PCDHA13: variants seen among roughly 807,000 people sequenced by gnomAD.
PCDHA13 encodes protocadherin alpha-13.
Under a neutral mutation model 64.8 loss-of-function variants are expected in PCDHA13, and 54 were observed. The observed-to-expected ratio is 0.83, with a 90% CI of 0.67 to 1.04. The LOEUF is 1.04. Among genes scored for constraint, PCDHA13 ranks in the 50% least tolerant of loss-of-function variants. PCDHA13 has a pLI of 0.00. For synonymous variants in PCDHA13, 587 were observed against 564.4 expected, an observed-to-expected ratio of 1.04 and a Z score of -0.57; for missense variants, 1,248 against 1,254.3, an observed-to-expected ratio of 0.99 and a Z score of 0.08.
At chr5:140,901,666 T>C (rs539450371) in intron 1 of PCDHA13, among the ~76,000 whole-genome samples, 12 of 152,346 alleles carry the variant, frequency 7.9e-5, no homozygotes, top group African/African-American at 2.6e-4. Context: ...TTGCTCAAGA[T>C]ACCTTTAGGT....
intron 1 of PCDHA13, among the ~76,000 whole-genome samples, chr5:140,959,390 A>G (rs1554224055): frequency 6.6e-6 from 1 of 152,146 alleles, no homozygotes; most frequent in African/African-American, 2.4e-5. Context: ...AAAAGTCACA[A>G]ATTAAGATAA....
At chr5:140,945,481 C>T (rs269552) in intron 1 of PCDHA13, among the ~76,000 whole-genome samples, 33,891 of 151,742 alleles carry the variant, frequency 0.22, 4,873 homozygotes, top group African/African-American at 0.41. Flanking sequence ...ACAAAACACC[C>T]CAAATACCCA....
At chr5:140,900,206 C>A (rs1286660558) in intron 1 of PCDHA13, among the ~76,000 whole-genome samples, 1 of 152,172 alleles carries the variant, frequency 6.6e-6, no homozygotes, top group Non-Finnish European at 1.5e-5. Flanking sequence ...CCAGTTTCAT[C>A]CAGGTTGTTG....
chr5:140,891,427 C>T (rs1465861457), intron 1 of PCDHA13, among the ~76,000 whole-genome samples: 2 of 149,500 alleles, frequency 1.3e-5, no homozygotes, highest in African/African-American at 4.9e-5. Flanking sequence ...CCCCCAAGTC[C>T]CCAACGTCCA....
chr5:140,966,978 G>T lies in PCDHA13; in HGVS notation c.2395-11971G>T, dbSNP rs782662616. The stretch of plus-strand genomic sequence containing the variant: ...CGCGCGCTGGGGCTTGAGCTGCGGC[G>T]CTTGGGGCCGGGTTGCTTGCGCATC... On this transcript the variant is annotated intron_variant, in intron 1 of 3. Transcript: ENST00000289272. 3.1e-6 allele frequency: 5 copies of T among 1,603,218 alleles called. No homozygotes were observed. In the African/African-American group the frequency reaches 5.3e-5, roughly 17 times the overall value.
At chr5:140,956,181 T>C (rs1351584707) in intron 1 of PCDHA13, among the ~76,000 whole-genome samples, 1 of 152,212 alleles carries the variant, frequency 6.6e-6, no homozygotes, top group South Asian at 2.1e-4. Flanking sequence ...CTTCCAATAC[T>C]ATGCTGAATA....
chr5:140,938,944 A>G (rs551824557), intron 1 of PCDHA13, among the ~76,000 whole-genome samples: 2 of 152,236 alleles, frequency 1.3e-5, no homozygotes, highest in South Asian at 2.1e-4. Context: ...TTCCATTCTT[A>G]TAATGCTCTA....
intron 1 of PCDHA13, among the ~76,000 whole-genome samples, chr5:140,932,493 T>A (rs148938081): frequency 6.6e-6 from 1 of 152,006 alleles, no homozygotes; most frequent in East Asian, 1.9e-4. Context: ...CTTTGCAATG[T>A]CATTTGTTAA....
intron 1 of PCDHA13, among the ~76,000 whole-genome samples, chr5:140,912,282 C>A (rs1211433751): frequency 6.6e-6 from 1 of 151,982 alleles, no homozygotes; most frequent in African/African-American, 2.4e-5. Flanking sequence ...TACCCAGGAA[C>A]AATACTTTGC....
chr5:140,928,057 G>A, intron 1 of PCDHA13: 1 of 1,614,178 alleles, frequency 6.2e-7, no homozygotes. Context: ...TCAGCTGACG[G>A]CTTCCTTTGA....
intron 1 of PCDHA13, chr5:140,927,650 TC>T (rs2084465821): frequency 6.2e-7 from 1 of 1,614,080 alleles, no homozygotes; most frequent in Admixed American, 1.7e-5. Flanking sequence ...ACTGTGTTAT[TC>T]CGAGTTCAAG....
At chr5:140,955,296 G>A (rs1554221862) in intron 1 of PCDHA13, among the ~76,000 whole-genome samples, 1 of 151,904 alleles carries the variant, frequency 6.6e-6, no homozygotes, top group Admixed American at 6.6e-5. Context: ...GTTTGGCTGT[G>A]TCCCCACCCA....
At chr5:140,885,045 G>T (rs528565062) in intron 1 of PCDHA13, among the ~76,000 whole-genome samples, 3 of 152,238 alleles carry the variant, frequency 2.0e-5, no homozygotes, top group Admixed American at 1.3e-4. Context: ...TTAGTTTAAT[G>T]TATACATATA....
chr5:140,966,803 C>G, intron 1 of PCDHA13: 1 of 1,542,484 alleles, frequency 6.5e-7, no homozygotes, highest in Non-Finnish European at 8.7e-7. Context: ...GGCGACAGAG[C>G]ATCCACGGCT....
intron 3 of PCDHA13, among the ~76,000 whole-genome samples, chr5:141,008,863 C>T (rs902385521): frequency 6.6e-6 from 1 of 152,204 alleles, no homozygotes. Flanking sequence ...CTCTTCCATG[C>T]TGCATCCCAC....
chr5:140,951,833 A>G (rs2094641584), intron 1 of PCDHA13, among the ~76,000 whole-genome samples: 1 of 152,190 alleles, frequency 6.6e-6, no homozygotes, highest in Admixed American at 6.5e-5. Flanking sequence ...TCATTCCAGC[A>G]TTAAGCCAAA....
intron 1 of PCDHA13, among the ~76,000 whole-genome samples, chr5:140,917,068 GAGTTTAATGTAAAGTTCCCC>G (rs1192645655): frequency 1.3e-5 from 2 of 152,066 alleles, no homozygotes; most frequent in Non-Finnish European, 2.9e-5. Context: ...CGACAGCACC[GAGTTTAATGTAAAGTTCCCC>G]AGTTGCTGTG....
rs186341301 is a variant in PCDHA13 at position 140,890,770 on chromosome 5, A to G, written c.2394+6108A>G. Among the ~76,000 whole-genome samples the G allele has an allele frequency of 8.0e-3, 1,216 of 152,240 alleles. 6 individuals are homozygous for G. Among genetic ancestry groups the G allele is most frequent in the African/African-American group, 0.019 (786 of 41,520 alleles). On this transcript the variant is annotated intron_variant, in intron 1 of 3. Transcript: ENST00000289272. Reference sequence around the variant, plus strand: ...CTGTCATGCTTTAAAAATATTTTAAAACCCCATAAGATATTAGTATTATTT... The same window carrying G: ...CTGTCATGCTTTAAAAATATTTTAAGACCCCATAAGATATTAGTATTATTT...
chr5:140,959,480 T>C (rs1554224103), intron 1 of PCDHA13, among the ~76,000 whole-genome samples: 1 of 152,222 alleles, frequency 6.6e-6, no homozygotes, highest in Non-Finnish European at 1.5e-5. Context: ...TCAAGGCATA[T>C]TGTTATATAT....
Sources: allele counts gnomAD v4.1 joint callset (sites outside exome capture counted in the v4.1 genomes callset), GRCh38; gene constraint gnomAD v4.1.1; transcripts MANE v1.5; gene names NCBI Gene and HGNC (gene_info 2026-07-23, HGNC 2026-07-21).